The following TRPC5 variants were observed in gnomAD, a reference collection of about 807,000 sequenced individuals.
TRPC5 encodes short transient receptor potential channel 5.
In TRPC5, 9 loss-of-function variants were observed where a neutral mutation model predicts 56.5. The ratio of observed to expected loss-of-function variants is 0.16; its 90% CI spans 0.10 to 0.28. The LOEUF (loss-of-function observed/expected upper bound fraction) is 0.28. Ranked by LOEUF, TRPC5 falls within the 10% of genes least tolerant of loss-of-function variation. The probability of loss-of-function intolerance (pLI) is 1.00; values close to 1 mark genes in which losing one functional copy is unlikely to be tolerated. For missense variants in TRPC5, 469 were observed against 748.9 expected (o/e 0.63, Z 4.36); for synonymous variants, 282 against 278.5 (o/e 1.01, Z -0.13).
At chrX:111,789,320 T>G (rs1231572668) in intron 7 of TRPC5, among the ~76,000 whole-genome samples, 1 of 112,003 alleles carries the variant, frequency 8.9e-6, no homozygotes, top group African/African-American at 3.3e-5. Context: ...GGGGAAAGGA[T>G]TCCCTATTTA....
At chrX:111,840,351 C>G (rs1219398440) in intron 6 of TRPC5, among the ~76,000 whole-genome samples, 2 of 111,590 alleles carry the variant, frequency 1.8e-5, no homozygotes, top group Non-Finnish European at 1.9e-5. Context: ...TATATCATCT[C>G]TAGATTACTT....
intron 1 of TRPC5, among the ~76,000 whole-genome samples, chrX:112,043,613 T>G (rs1352687179): frequency 9.4e-6 from 1 of 105,980 alleles, no homozygotes; most frequent in Admixed American, 1.0e-4. Context: ...GGTAACACAC[T>G]GCTGTTTGAT....
rs1302122622 is a variant in TRPC5 at position 111,860,196 on chromosome X, CTA to C, written c.901-6092_901-6091del. 1.3e-4 allele frequency among the ~76,000 whole-genome samples: 15 copies of C among 112,860 alleles called. No individual in the cohort carries two copies. The South Asian group carries it at 4.0e-3, about 30-fold the overall frequency. ...GTGCTGGGATTACAGGCGTGAGCCACTACGCCTGGCCTACTTATAGCCAGTTT... is the reference window on the plus strand; with the variant it reads ...GTGCTGGGATTACAGGCGTGAGCCACCGCCTGGCCTACTTATAGCCAGTTT... On this transcript the variant is annotated intron_variant, in intron 3 of 10. Transcript: ENST00000262839.
intron 7 of TRPC5, among the ~76,000 whole-genome samples, chrX:111,832,157 G>GT (rs1922427448): frequency 8.9e-6 from 1 of 111,933 alleles, no homozygotes; most frequent in African/African-American, 3.3e-5. Context: ...CTGCTTCACT[G>GT]TATCTTAAGA....
At chrX:111,994,829 T>C (rs923680177) in intron 1 of TRPC5, among the ~76,000 whole-genome samples, 2 of 112,198 alleles carry the variant, frequency 1.8e-5, no homozygotes, top group African/African-American at 3.2e-5. Flanking sequence ...TTTCTAAATA[T>C]ACAATCATGT....
At chrX:111,811,879 C>T (rs963613100) in intron 7 of TRPC5, among the ~76,000 whole-genome samples, 1 of 111,418 alleles carries the variant, frequency 9.0e-6, no homozygotes, top group African/African-American at 3.3e-5. Context: ...CCTTTGATGG[C>T]CCAGAACAGC....
chrX:111,875,627 T>G (rs1252301290), intron 3 of TRPC5, among the ~76,000 whole-genome samples: 1 of 103,498 alleles, frequency 9.7e-6, no homozygotes, highest in Non-Finnish European at 2.0e-5. Flanking sequence ...GTGTTGCACT[T>G]CAATGGACTC....
At chrX:111,785,872 G>A (rs1395598396) in intron 7 of TRPC5, among the ~76,000 whole-genome samples, 1 of 111,662 alleles carries the variant, frequency 9.0e-6, no homozygotes, top group Non-Finnish European at 1.9e-5. Flanking sequence ...AGAAAAAAGA[G>A]TAAAAAGAAA....
chrX:111,976,355 C>T (rs1927929118), intron 1 of TRPC5, among the ~76,000 whole-genome samples: 4 of 110,506 alleles, frequency 3.6e-5, no homozygotes, highest in Admixed American at 9.6e-5. Context: ...CCTAAGAGAT[C>T]GAGGCTGCAG....
chrX:112,042,309 G>A (rs1424703740), intron 1 of TRPC5, among the ~76,000 whole-genome samples: 2 of 111,492 alleles, frequency 1.8e-5, no homozygotes, highest in Non-Finnish European at 3.8e-5. Flanking sequence ...GAAGATAAAC[G>A]ATGCTGAACA....
At chrX:111,969,110 A>T (rs1399048267) in intron 1 of TRPC5, among the ~76,000 whole-genome samples, 1 of 111,320 alleles carries the variant, frequency 9.0e-6, no homozygotes, top group Non-Finnish European at 1.9e-5. Flanking sequence ...CACCCTTATC[A>T]GTCAGCCTGA....
chrX:112,022,446 T>C lies in TRPC5; in HGVS notation c.-22+59433A>G, dbSNP rs182423442. Among the ~76,000 whole-genome samples, 80 of 112,061 alleles carry C rather than the reference T, an allele frequency of 7.1e-4. No homozygotes were observed. In the Middle Eastern group the frequency reaches 0.023, roughly 32 times the overall value. ...AGCTTTATGAGAGAGGAGAGTTTTGTGTGCATTTTTCCACTGCTGTATCTC... is the reference window on the plus strand; with the variant it reads ...AGCTTTATGAGAGAGGAGAGTTTTGCGTGCATTTTTCCACTGCTGTATCTC... On this transcript the variant is annotated intron_variant, in intron 1 of 10. Transcript: ENST00000262839.
intron 1 of TRPC5, among the ~76,000 whole-genome samples, chrX:111,955,458 G>A (rs1927207148): frequency 8.9e-6 from 1 of 112,106 alleles, no homozygotes; most frequent in South Asian, 3.7e-4. Flanking sequence ...GTGATGGAGG[G>A]TAAAGGAGAG....
intron 3 of TRPC5, among the ~76,000 whole-genome samples, chrX:111,910,088 CG>C (rs1049092002): frequency 3.6e-5 from 4 of 112,083 alleles, no homozygotes; most frequent in African/African-American, 1.3e-4. Flanking sequence ...TTAAAGAGAA[CG>C]GGGGGCCTAA....
At chrX:111,780,853 C>T (rs1345636982) in intron 9 of TRPC5, among the ~76,000 whole-genome samples, 3 of 111,348 alleles carry the variant, frequency 2.7e-5, no homozygotes, top group Non-Finnish European at 5.6e-5. Context: ...ATTTTATGTA[C>T]AGTAGGTACT....
intron 7 of TRPC5, among the ~76,000 whole-genome samples, chrX:111,821,162 A>T (rs994586022): frequency 1.8e-5 from 2 of 111,569 alleles, no homozygotes. Context: ...CTCCTGATAC[A>T]CTACATTTAT....
chrX:111,874,207 C>T (rs1166670727), intron 3 of TRPC5, among the ~76,000 whole-genome samples: 8 of 112,528 alleles, frequency 7.1e-5, no homozygotes, highest in Non-Finnish European at 1.1e-4. Flanking sequence ...AATCTCATTC[C>T]TGAAGGGAAC....
At chrX:111,824,056 C>G (rs1037121852) in intron 7 of TRPC5, among the ~76,000 whole-genome samples, 1 of 109,825 alleles carries the variant, frequency 9.1e-6, no homozygotes, top group Admixed American at 9.7e-5. Context: ...CATGATGAAA[C>G]GCCATCTCTA....
intron 1 of TRPC5, among the ~76,000 whole-genome samples, chrX:112,026,396 G>A (rs1929413245): frequency 8.9e-6 from 1 of 112,392 alleles, no homozygotes; most frequent in Non-Finnish European, 1.9e-5. Flanking sequence ...TTTAATTGAA[G>A]AATTTGAATA....
Sources: allele counts gnomAD v4.1 joint callset (sites outside exome capture counted in the v4.1 genomes callset), GRCh38; gene constraint gnomAD v4.1.1; transcripts MANE v1.5; gene names NCBI Gene and HGNC (gene_info 2026-07-23, HGNC 2026-07-21).